ENDOD1: variants seen among roughly 807,000 people sequenced by gnomAD.
ENDOD1 encodes endonuclease domain-containing 1 protein.
A neutral mutation model predicts 6.5 loss-of-function variants in ENDOD1; 9 were observed. The ratio of observed to expected loss-of-function variants is 1.39; its 90% confidence interval spans 0.84 to 2.43. The LOEUF (loss-of-function observed/expected upper bound fraction) is 2.43, where lower values mean the gene tolerates loss of function less well. Ranked by LOEUF, ENDOD1 falls within the 30% of genes most tolerant of loss-of-function variation. The pLI is 0.00. For synonymous variants in ENDOD1, 255 were observed against 255.2 expected (o/e 1.00, Z 0.01); for missense variants, 648 against 635.5 (o/e 1.02, Z -0.21).
At chr11:95,121,448 G>T (rs1192335442) in intron 1 of ENDOD1, among the ~76,000 whole-genome samples, 3 of 152,166 alleles carry the variant, frequency 2.0e-5, no homozygotes, top group Non-Finnish European at 4.4e-5. Flanking sequence ...CTTAAGAAAT[G>T]ATGATTGTTG....
intron 1 of ENDOD1, among the ~76,000 whole-genome samples, chr11:95,113,464 T>A (rs1418872455): frequency 6.6e-6 from 1 of 152,240 alleles, no homozygotes; most frequent in Non-Finnish European, 1.5e-5. Flanking sequence ...ATTATTTTGA[T>A]TTTTAGATCC....
In ENDOD1 at chr11:95,090,147, C is replaced by G. The variant is rs782794401; in HGVS notation, c.220C>G (p.Arg74Gly). The change falls in exon 1 of 2, where the codon CGC becomes GGC. Residue 74 changes from arginine to glycine, a missense_variant. Physicochemically the swap from Arg to Gly is moderately radical, Grantham distance 125 (BLOSUM62 -2). Coordinates refer to ENST00000278505, the MANE Select transcript of ENDOD1 (RefSeq NM_015036.3). ...RFATLYSTRD[R>G]IPVYSAFRAP... ...CGCCACCCTCTACAGCACCCGGGAC[C>G]GCATCCCCGTGTACTCCGCGTTCCG... 6.6e-6 allele frequency: 10 copies of G among 1,514,972 alleles called. No individual in the cohort carries two copies. Among genetic ancestry groups the G allele is most frequent in the Middle Eastern group, 3.7e-4 (2 of 5,438 alleles). 93.8% of individuals were successfully genotyped at this position (1,514,972 alleles called of 1,614,324 possible). A position where few individuals can be genotyped will look rare whatever the true frequency, so the allele number is the denominator to read the frequency against.
In ENDOD1 at chr11:95,120,503, T is replaced by A. The variant is rs1388308713; in HGVS notation, c.301-7874T>A. The stretch of plus-strand genomic sequence containing the variant: ...AACGGGGCCTCACAACTCTGACCAG[T>A]GCCTTATCCTGCTGTGGCTGAGCTG... On this transcript the variant is annotated intron_variant, in intron 1 of 1. Coordinates refer to ENST00000278505, the MANE Select transcript of ENDOD1 (RefSeq NM_015036.3). 2.6e-5 allele frequency among the ~76,000 whole-genome samples: 4 copies of A among 151,950 alleles called. No individual in the cohort carries two copies. In the East Asian group the frequency reaches 7.8e-4, roughly 29 times the overall value.
intron 1 of ENDOD1, among the ~76,000 whole-genome samples, chr11:95,116,296 A>ATAGTAGCCC (rs1555112492): frequency 6.6e-6 from 1 of 152,062 alleles, no homozygotes; most frequent in Non-Finnish European, 1.5e-5. Flanking sequence ...CATAGTAGCC[A>ATAGTAGCCC]CTCATAGTAG....
intron 1 of ENDOD1, among the ~76,000 whole-genome samples, chr11:95,108,582 G>C (rs1006053853): frequency 6.6e-6 from 1 of 151,752 alleles, no homozygotes; most frequent in Non-Finnish European, 1.5e-5. Flanking sequence ...CTTCTAAAGC[G>C]GTTTCTATTC....
chr11:95,112,869 C>A (rs61403165), intron 1 of ENDOD1, among the ~76,000 whole-genome samples: 3 of 152,064 alleles, frequency 2.0e-5, no homozygotes, highest in African/African-American at 7.3e-5. Context: ...TGCCTTGTTT[C>A]CGTAAATAGA....
intron 1 of ENDOD1, among the ~76,000 whole-genome samples, chr11:95,101,519 A>G (rs1859040787): frequency 6.7e-6 from 1 of 148,510 alleles, no homozygotes. Flanking sequence ...TACAATACTT[A>G]GTTTTTTAAG....
intron 1 of ENDOD1, among the ~76,000 whole-genome samples, chr11:95,105,729 G>C (rs1368442702): frequency 6.6e-6 from 1 of 152,184 alleles, no homozygotes; most frequent in Non-Finnish European, 1.5e-5. Flanking sequence ...CTTCATCCAT[G>C]TCCCTGCAAA....
At position 95,121,872 on chromosome 11, in the gene ENDOD1, A is replaced by G. The variant is rs139369614; in HGVS notation, c.301-6505A>G. 2.8e-3 allele frequency among the ~76,000 whole-genome samples: 433 copies of G among 152,348 alleles called. 3 individuals carry two copies. The highest frequency in any genetic ancestry group is 9.8e-3 in the African/African-American group (407 of 41,574). ...GAATACAGGAACTGTATCAAATTACATTGACAGTCCAGGGGGATTAGGTCA... is the reference window on the plus strand; with the variant it reads ...GAATACAGGAACTGTATCAAATTACGTTGACAGTCCAGGGGGATTAGGTCA... On this transcript the variant is annotated intron_variant, in intron 1 of 1. Transcript: ENST00000278505.
intron 1 of ENDOD1, 57 bp downstream of exon 1, chr11:95,090,284 A>T (rs3016947): frequency 1 from 1,345,522 of 1,345,534 alleles, 672,755 homozygotes; most frequent in Middle Eastern, 1. Context: ...GCCGCTGGAC[A>T]TGCCCCCAGT....
chr11:95,090,936 T>C (rs1414543916), intron 1 of ENDOD1, among the ~76,000 whole-genome samples: 1 of 151,724 alleles, frequency 6.6e-6, no homozygotes, highest in Non-Finnish European at 1.5e-5. Context: ...TAGTTAAAAA[T>C]GATAGGGAAA....
chr11:95,102,635 G>A (rs1244268732), intron 1 of ENDOD1, among the ~76,000 whole-genome samples: 8 of 152,130 alleles, frequency 5.3e-5, no homozygotes, highest in Admixed American at 5.2e-4. Flanking sequence ...TCGCACCACT[G>A]CACTCCAGCC....
At position 95,129,283 on chromosome 11, in the gene ENDOD1, A is replaced by G. The variant is rs927818049; in HGVS notation, c.1207A>G (p.Lys403Glu). The G allele has an allele frequency of 1.2e-6, 2 of 1,614,046 alleles. No homozygotes were observed. The highest frequency in any genetic ancestry group is 1.3e-5 in the African/African-American group (1 of 74,898). The change falls in exon 2 of 2, where the codon AAG becomes GAG. Residue 403 changes from lysine (K) to glutamate (E), a missense_variant. Coordinates refer to ENST00000278505, the MANE Select transcript of ENDOD1 (RefSeq NM_015036.3). ...GGTGAGCATTCCCTGGAAGGTGCTC[A>G]AGGTCGTGGCCAAAGTCATCAGGGC... ...ELVSIPWKVL[K>E]VVAKVIRALL...
intron 1 of ENDOD1, among the ~76,000 whole-genome samples, chr11:95,095,066 C>G (rs1365233180): frequency 6.8e-6 from 1 of 148,126 alleles, no homozygotes; most frequent in Non-Finnish European, 1.5e-5. Context: ...CACACACACA[C>G]ACACAAATGG....
Position 95,129,432 on chromosome 11 carries a change from C to T in ENDOD1, c.1356C>T (p.Cys452=), listed in dbSNP as rs2134176767. ...VYTMGAIPIV[C]KDIALGLGGT... is the part of the protein sequence containing the mutation. ...CCATGGGCGCTATTCCAATTGTTTG[C>T]AAGGACATTGCACTGGGCCTTGGTG... Residue 452 remains cysteine (C), a synonymous_variant, in exon 2 of 2, where the codon TGC becomes TGT. Coordinates refer to ENST00000278505, the MANE Select transcript of ENDOD1 (RefSeq NM_015036.3). 1 of 1,614,182 alleles carries T rather than the reference C, an allele frequency of 6.2e-7. No homozygotes were observed. Among genetic ancestry groups the T allele is most frequent in the East Asian group, 2.2e-5 (1 of 44,884 alleles).
rs138104649 is a variant in ENDOD1, at chr11:95,093,926, C to T, written c.300+3699C>T. Reference sequence around the variant, plus strand: ...GTTTGGAGGAGTTCTAGTCAAGACTCCAGAAACCTGAGAACTGGATTCTGG... The same window carrying T: ...GTTTGGAGGAGTTCTAGTCAAGACTTCAGAAACCTGAGAACTGGATTCTGG... On this transcript the variant is annotated intron_variant, in intron 1 of 1. Transcript: ENST00000278505. Among the ~76,000 whole-genome samples, 261 of 152,234 alleles carry T rather than the reference C, an allele frequency of 1.7e-3. 1 individual carries two copies. The highest frequency in any genetic ancestry group is 4.9e-3 in the African/African-American group (205 of 41,546).
chr11:95,116,454 T>C lies in ENDOD1; in HGVS notation c.301-11923T>C, dbSNP rs1859209754. Among the ~76,000 whole-genome samples, 2 of 152,228 alleles carry C rather than the reference T, an allele frequency of 1.3e-5. 1 individual carries two copies. Among genetic ancestry groups the C allele is most frequent in the South Asian group, 4.1e-4 (2 of 4,834 alleles). On this transcript the variant is annotated intron_variant, in intron 1 of 1. Transcript: ENST00000278505. The stretch of plus-strand genomic sequence containing the variant: ...TCAAAAAATCAACTTTTTGTTTCAT[T>C]GATCTTTTGTATTGTTTTCTACATT...
chr11:95,107,237 G>A (rs1859097852), intron 1 of ENDOD1, among the ~76,000 whole-genome samples: 1 of 151,828 alleles, frequency 6.6e-6, no homozygotes, highest in African/African-American at 2.4e-5. Context: ...GGGAGGCTGA[G>A]GCAGGAGAAT....
At chr11:95,092,569 C>G (rs1462112699) in intron 1 of ENDOD1, among the ~76,000 whole-genome samples, 6 of 152,228 alleles carry the variant, frequency 3.9e-5, no homozygotes, top group African/African-American at 1.2e-4. Flanking sequence ...TGAGTTCCTG[C>G]TGTGCTGAGA....
Sources: allele counts gnomAD v4.1 joint callset (sites outside exome capture counted in the v4.1 genomes callset), GRCh38; gene constraint gnomAD v4.1.1; transcripts MANE v1.5; gene names NCBI Gene and HGNC (gene_info 2026-07-23, HGNC 2026-07-21).